Variants in DIAPH2 observed in about 807,000 individuals in gnomAD.
The protein encoded by DIAPH2 is diaphanous related formin 2.
Under a neutral mutation model 92.7 loss-of-function variants are expected in DIAPH2, and 35 were observed. The ratio of observed to expected loss-of-function variants is 0.38; its 90% CI spans 0.29 to 0.50. The LOEUF (loss-of-function observed/expected upper bound fraction) is 0.50. Among genes scored for constraint, DIAPH2 ranks in the 20% least tolerant of loss-of-function variants. The probability of loss-of-function intolerance (pLI) is 0.94; values close to 1 mark genes in which losing one functional copy is unlikely to be tolerated. For synonymous variants in DIAPH2, 301 were observed against 280.4 expected (o/e 1.07, Z -0.73); for missense variants, 701 against 819.5 (o/e 0.86, Z 1.77).
intron 26 of DIAPH2, among the ~76,000 whole-genome samples, chrX:97,483,557 C>T (rs752899442): frequency 1.2e-4 from 13 of 112,038 alleles, no homozygotes; most frequent in Non-Finnish European, 2.3e-4. Flanking sequence ...TTAATCAGAA[C>T]CTGTTTGTCT....
intron 17 of DIAPH2, among the ~76,000 whole-genome samples, chrX:96,988,142 G>A (rs973108753): frequency 2.8e-5 from 3 of 109,046 alleles, no homozygotes; most frequent in Admixed American, 9.9e-5. Flanking sequence ...AGGCCTTGGG[G>A]GATATAGCTG....
chrX:97,485,666 T>C (rs2070682907), intron 26 of DIAPH2, among the ~76,000 whole-genome samples: 1 of 113,117 alleles, frequency 8.8e-6, no homozygotes, highest in Non-Finnish European at 1.9e-5. Context: ...GAATATTCCT[T>C]GGTCCAAAAG....
At chrX:96,939,484 G>GTGTGTGTGTATATATATATATATA (rs745521574) in intron 12 of DIAPH2, 102 bp downstream of exon 12, 2 of 143,888 alleles carry the variant, frequency 1.4e-5, no homozygotes, top group African/African-American at 8.1e-5. Context: ...ATATGTGTGT[G>GTGTGTGTGTATATATATATATATA]TATGTATATA....
chrX:97,393,533 C>T (rs1284330053), intron 25 of DIAPH2, among the ~76,000 whole-genome samples: 1 of 111,646 alleles, frequency 9.0e-6, no homozygotes, highest in Non-Finnish European at 1.9e-5. Context: ...CAAATGTACT[C>T]TAAAATGCGT....
chrX:97,488,218 C>T (rs1250075676), intron 26 of DIAPH2, among the ~76,000 whole-genome samples: 1 of 111,836 alleles, frequency 8.9e-6, no homozygotes, highest in Non-Finnish European at 1.9e-5. Context: ...GTCTTGAACT[C>T]CCAACCTCAG....
chrX:97,230,526 A>C (rs2068001786), intron 22 of DIAPH2, among the ~76,000 whole-genome samples: 1 of 111,930 alleles, frequency 8.9e-6, no homozygotes, highest in Admixed American at 9.5e-5. Context: ...TATTAAAAAC[A>C]TTTTACAAAG....
At chrX:96,774,608 A>G (rs1348060994) in intron 4 of DIAPH2, among the ~76,000 whole-genome samples, 1 of 112,105 alleles carries the variant, frequency 8.9e-6, no homozygotes, top group African/African-American at 3.2e-5. Flanking sequence ...AAGATACATA[A>G]ATATTAGAAA....
chrX:97,581,132 A>G (rs1195560722), intron 26 of DIAPH2, among the ~76,000 whole-genome samples: 21 of 100,523 alleles, frequency 2.1e-4, no homozygotes, highest in Non-Finnish European at 3.8e-4. Flanking sequence ...TCCTGGATTC[A>G]TTAATTTTTT....
intron 21 of DIAPH2, among the ~76,000 whole-genome samples, chrX:97,137,516 A>G (rs2067181581): frequency 1.8e-5 from 2 of 109,072 alleles, no homozygotes; most frequent in African/African-American, 6.7e-5. Flanking sequence ...TTTACAGTGA[A>G]TGAAGATGGC....
intron 23 of DIAPH2, among the ~76,000 whole-genome samples, chrX:97,292,703 T>G (rs2068604085): frequency 9.1e-6 from 1 of 110,279 alleles, no homozygotes; most frequent in East Asian, 2.9e-4. Flanking sequence ...TGTGCCACCA[T>G]GCCCGGCTAA....
Position 96,941,965 on chromosome X carries a change from A to G in DIAPH2, c.1326-53A>G, listed in dbSNP as rs2065707805. ...AATATGTTGAATGTTTTCTAAAGCA[A>G]ATTGATCTGCATGGTTAGAAAGGCA... On this transcript the variant is annotated intron_variant, in intron 12 of 26. Transcript: ENST00000324765. The G allele has an allele frequency of 8.7e-6, 6 of 688,312 alleles. No homozygotes were observed. The East Asian group carries it at 2.0e-4, about 23-fold the overall frequency. 56.7% of individuals were successfully genotyped at this position (688,312 alleles called of 1,213,427 possible). A position where few individuals can be genotyped will look rare whatever the true frequency, so the allele number is the denominator to read the frequency against.
At chrX:96,735,169 T>G (rs778082687) in intron 1 of DIAPH2, among the ~76,000 whole-genome samples, 5 of 111,909 alleles carry the variant, frequency 4.5e-5, no homozygotes, top group Non-Finnish European at 9.4e-5. Flanking sequence ...TGTTCAATTT[T>G]ATGTTCAAAT....
At chrX:97,032,598 G>A (rs920930256) in intron 17 of DIAPH2, among the ~76,000 whole-genome samples, 2 of 108,665 alleles carry the variant, frequency 1.8e-5, no homozygotes, top group Non-Finnish European at 3.8e-5. Flanking sequence ...AAGCTCTTGG[G>A]GGGCCAGTGT....
intron 22 of DIAPH2, among the ~76,000 whole-genome samples, chrX:97,245,054 A>T (rs2068128505): frequency 9.2e-6 from 1 of 109,279 alleles, no homozygotes; most frequent in Non-Finnish European, 1.9e-5. Flanking sequence ...TCATGCCACT[A>T]CACTCCAGCC....
At chrX:97,051,224 A>C (rs2066518099) in intron 17 of DIAPH2, among the ~76,000 whole-genome samples, 1 of 111,131 alleles carries the variant, frequency 9.0e-6, no homozygotes, top group South Asian at 3.7e-4. Context: ...ATTAACTTTT[A>C]TAATACAGGG....
chrX:96,962,503 A>ATATG, intron 16 of DIAPH2, among the ~76,000 whole-genome samples: 1 of 75,378 alleles, frequency 1.3e-5, no homozygotes, highest in East Asian at 3.8e-4. Flanking sequence ...ACACATATAT[A>ATATG]TATATATATA....
chrX:96,711,500 C>T (rs751202464), intron 1 of DIAPH2, among the ~76,000 whole-genome samples: 1 of 111,472 alleles, frequency 9.0e-6, no homozygotes, highest in South Asian at 3.8e-4. Context: ...CTATTTATGT[C>T]CTTTGCCCAC....
rs747869289 is a variant in DIAPH2 at position 97,358,498 on chromosome X, A to T, written c.3009+10218A>T. ...CAGGATTACCTGCAAAAGATTTTTT[A>T]AAAAAAATTATAAAAAATCAGTGGA... On this transcript the variant is annotated intron_variant, in intron 24 of 26. Transcript: ENST00000324765. Among the ~76,000 whole-genome samples, 30 of 111,709 alleles carry T rather than the reference A, an allele frequency of 2.7e-4. No homozygotes were observed. In the South Asian group the frequency reaches 3.0e-3, roughly 11 times the overall value.
intron 16 of DIAPH2, among the ~76,000 whole-genome samples, chrX:96,962,388 TATAC>T (rs1205733193): frequency 8.3e-5 from 6 of 71,957 alleles, no homozygotes; most frequent in African/African-American, 3.6e-4. Flanking sequence ...TACACATATA[TATAC>T]ACATATATAT....
Sources: gnomAD v4.1 joint callset for allele counts (sites outside exome capture counted in the v4.1 genomes callset) on GRCh38, gnomAD v4.1.1 for gene constraint, MANE v1.5 for transcripts, NCBI Gene and HGNC (gene_info 2026-07-23, HGNC 2026-07-21) for gene names.